Variants in DLGAP5 observed in about 807,000 individuals in gnomAD.
The protein encoded by DLGAP5 is DLG associated protein 5, also known as disks large-associated protein 5.
DLGAP5 carries 90 observed loss-of-function variants against 99.6 expected under a neutral mutation model. The observed-to-expected ratio is 0.90, with a 90% CI of 0.76 to 1.08. The LOEUF (loss-of-function observed/expected upper bound fraction) is 1.08. Ranked by LOEUF, DLGAP5 falls within the 50% of genes least tolerant of loss-of-function variation. The pLI, the probability that DLGAP5 is intolerant of heterozygous loss-of-function variation, is 0.00. For synonymous variants in DLGAP5, 311 were observed against 321.3 expected (o/e 0.97, Z 0.34); for missense variants, 1,036 against 983.5 (o/e 1.05, Z -0.71).
At chr14:55,182,229 C>T (rs555420720) in intron 4 of DLGAP5, 141 bp downstream of exon 4, 1 of 628,678 alleles carries the variant, frequency 1.6e-6, no homozygotes, top group Non-Finnish European at 2.6e-6. Context: ...CATCACCATA[C>T]TAAAAACAGT....
At position 55,175,888 on chromosome 14, in the gene DLGAP5, C is replaced by T. The variant is rs753896692; in HGVS notation, c.1174+6G>A. 2.5e-6 allele frequency: 4 copies of T among 1,580,506 alleles called. No individual in the cohort carries two copies. In the Admixed American group the frequency reaches 7.0e-5, roughly 28 times the overall value. On this transcript the variant is annotated splice_donor_region_variant and intron_variant, in intron 9 of 18. Coordinates refer to ENST00000247191, the MANE Select transcript of DLGAP5 (RefSeq NM_014750.5). ...AAAAAATGAATAAATTAATTAAATA[C>T]TATACCTTCATGCCAAACAGTTAGA...
intron 5 of DLGAP5, among the ~76,000 whole-genome samples, chr14:55,181,008 A>T (rs985480179): frequency 3.3e-5 from 5 of 152,158 alleles, no homozygotes; most frequent in Non-Finnish European, 7.4e-5. Flanking sequence ...GCAGCTACTC[A>T]GGAGGCTGAG....
chr14:55,158,042 C>T (rs1265538965), intron 14 of DLGAP5, among the ~76,000 whole-genome samples: 2 of 152,224 alleles, frequency 1.3e-5, no homozygotes, highest in Non-Finnish European at 2.9e-5. Context: ...GGATTATAGG[C>T]ATGAACCAAC....
chr14:55,181,058 T>G (rs1258772005), intron 5 of DLGAP5, among the ~76,000 whole-genome samples, 155 bp downstream of exon 5: 1 of 152,154 alleles, frequency 6.6e-6, no homozygotes, highest in Non-Finnish European at 1.5e-5. Flanking sequence ...GAGGCTCCAG[T>G]GAGCTATGAT....
chr14:55,169,572 A>C lies in DLGAP5; in HGVS notation c.1388-13T>G. On this transcript the variant is annotated splice_polypyrimidine_tract_variant and intron_variant, in intron 11 of 18. Transcript: ENST00000247191. ...ATAAGATCTTTAGCTGAAGGAAATA[A>C]GAGATTTTTTAAAATTAAAGGACAA... 2 of 1,575,168 alleles carry C rather than the reference A, an allele frequency of 1.3e-6. No homozygotes were observed. Among genetic ancestry groups the C allele is most frequent in the Non-Finnish European group, 1.7e-6 (2 of 1,167,468 alleles).
intron 10 of DLGAP5, among the ~76,000 whole-genome samples, chr14:55,173,699 G>A (rs1288055538): frequency 6.6e-6 from 1 of 152,016 alleles, no homozygotes; most frequent in Non-Finnish European, 1.5e-5. Flanking sequence ...AAGATTTCAT[G>A]GACATTTATT....
chr14:55,180,531 G>A (rs1566506987), intron 6 of DLGAP5, 125 bp downstream of exon 6: 1 of 1,324,296 alleles, frequency 7.6e-7, no homozygotes, highest in East Asian at 2.3e-5. Flanking sequence ...CTATTTTCAG[G>A]TATTAGAATT....
intron 2 of DLGAP5, 69 bp downstream of exon 2, chr14:55,188,873 C>T: frequency 8.5e-7 from 1 of 1,172,796 alleles, no homozygotes; most frequent in South Asian, 1.4e-5. Context: ...GTTTTTTACT[C>T]ACACAGGCAT....
At chr14:55,169,672 G>T in intron 11 of DLGAP5, 113 bp from the exon 12 acceptor site, 1 of 884,552 alleles carries the variant, frequency 1.1e-6, no homozygotes, top group Non-Finnish European at 1.6e-6. Flanking sequence ...AGGTTGTTAA[G>T]CAAAACAAAA....
intron 11 of DLGAP5, 80 bp from the exon 12 acceptor site, chr14:55,169,639 A>C (rs1882782581): frequency 8.0e-7 from 1 of 1,253,070 alleles, no homozygotes. Context: ...ATAAGACTTC[A>C]CTCCAAACAT....
At chr14:55,160,078 C>G (rs551983810) in intron 13 of DLGAP5, among the ~76,000 whole-genome samples, 2 of 152,234 alleles carry the variant, frequency 1.3e-5, no homozygotes, top group East Asian at 3.9e-4. Flanking sequence ...GTGGCACATG[C>G]CTGTAGTCCC....
chr14:55,187,423 A>G (rs1448150856), intron 2 of DLGAP5, among the ~76,000 whole-genome samples: 1 of 149,024 alleles, frequency 6.7e-6, no homozygotes, highest in East Asian at 2.0e-4. Flanking sequence ...GGTTCAAGCG[A>G]TTCTCCTGCC....
chr14:55,165,702 C>T (rs929491700), intron 12 of DLGAP5, among the ~76,000 whole-genome samples: 3 of 152,044 alleles, frequency 2.0e-5, no homozygotes, highest in African/African-American at 7.2e-5. Context: ...TCATACATAC[C>T]TATGATAAAG....
chr14:55,189,058 C>T lies in DLGAP5; in HGVS notation c.122G>A (p.Arg41Gln), dbSNP rs372521527. 1.1e-5 allele frequency: 17 copies of T among 1,613,756 alleles called. No individual in the cohort carries two copies. Among genetic ancestry groups the T allele is most frequent in the East Asian group, 2.2e-5 (1 of 44,818 alleles). ...ATCTTTCAAACCAAAGTGTCTATTT[C>T]GTTCGTATTCCTTATGTCTATTTTC... The part of the protein sequence containing the change: ...QKENRHKEYE[R>Q]NRHFGLKDVN... Residue 41 changes from arginine (R) to glutamine (Q), a missense_variant, in exon 2 of 19, where the codon CGA becomes CAA. By Grantham distance (43) the Arg-to-Gln change is conservative (BLOSUM62 1). Transcript: ENST00000247191.
chr14:55,180,817 T>C (rs928406237), intron 5 of DLGAP5, 39 bp from the exon 6 acceptor site: 2 of 1,611,110 alleles, frequency 1.2e-6, no homozygotes, highest in East Asian at 2.2e-5. Context: ...ATGTCCCTTG[T>C]AGTTATGAAA....
intron 8 of DLGAP5, 70 bp downstream of exon 8, chr14:55,176,992 A>AG (rs1883088158): frequency 1.0e-6 from 1 of 991,522 alleles, no homozygotes; most frequent in Non-Finnish European, 1.3e-6. Context: ...AAAAAAAAAA[A>AG]AAAAAAAAAA....
intron 13 of DLGAP5, 37 bp from the exon 14 acceptor site, chr14:55,158,778 A>G: frequency 1.1e-5 from 16 of 1,471,796 alleles, no homozygotes; most frequent in Admixed American, 1.9e-5. Context: ...GCTGCCCATT[A>G]CCATCTTACA....
intron 3 of DLGAP5, among the ~76,000 whole-genome samples, chr14:55,183,339 C>T (rs17128286): frequency 0.027 from 4,041 of 152,260 alleles, 173 homozygotes; most frequent in African/African-American, 0.093. Context: ...TAACATTGTT[C>T]AGCCTGATTC....
intron 2 of DLGAP5, among the ~76,000 whole-genome samples, chr14:55,184,050 G>C (rs1022259643): frequency 2.6e-5 from 4 of 152,066 alleles, no homozygotes; most frequent in African/African-American, 9.7e-5. Context: ...CTATTCGGGA[G>C]GTTGAGGTAG....
Sources: gnomAD v4.1 joint callset for allele counts (sites outside exome capture counted in the v4.1 genomes callset) on GRCh38, gnomAD v4.1.1 for gene constraint, MANE v1.5 for transcripts, NCBI Gene and HGNC (gene_info 2026-07-23, HGNC 2026-07-21) for gene names.